STK3: variants seen among roughly 807,000 people sequenced by gnomAD.
STK3 encodes serine/threonine-protein kinase 3.
In STK3, 41 loss-of-function variants were observed where a neutral mutation model predicts 58.0. The observed-to-expected ratio is 0.71, with a 90% CI of 0.55 to 0.92. The LOEUF is 0.92. Ranked by LOEUF, STK3 falls within the 40% of genes least tolerant of loss-of-function variation. The pLI, the probability that STK3 is intolerant of heterozygous loss-of-function variation, is 0.00. For synonymous variants in STK3, 170 were observed against 191.0 expected, an observed-to-expected ratio of 0.89 and a Z score of 0.91; for missense variants, 479 against 602.7, an observed-to-expected ratio of 0.79 and a Z score of 2.15.
chr8:98,849,603 A>G (rs1836360063), intron 3 of STK3, among the ~76,000 whole-genome samples: 1 of 152,238 alleles, frequency 6.6e-6, no homozygotes, highest in African/African-American at 2.4e-5. Flanking sequence ...CAAACTGAAT[A>G]GAGACAGATG....
intron 1 of STK3, among the ~76,000 whole-genome samples, chr8:98,937,992 A>G (rs1307933914): frequency 1.3e-5 from 2 of 152,212 alleles, no homozygotes; most frequent in Non-Finnish European, 2.9e-5. Context: ...ATATTTTGAG[A>G]ATCCCCATAA....
At chr8:98,631,419 T>C (rs1166853662) in intron 6 of STK3, among the ~76,000 whole-genome samples, 1 of 152,174 alleles carries the variant, frequency 6.6e-6, no homozygotes, top group African/African-American at 2.4e-5. Flanking sequence ...ACCTCCTTAC[T>C]GTTTCTAAAA....
intron 1 of STK3, among the ~76,000 whole-genome samples, chr8:98,890,477 G>A (rs751747914): frequency 3.5e-4 from 53 of 152,126 alleles, no homozygotes; most frequent in Non-Finnish European, 1.5e-4. Flanking sequence ...TTGTCTGTGC[G>A]ACAGCAAGCA....
intron 9 of STK3, among the ~76,000 whole-genome samples, chr8:98,544,287 T>C (rs1248654033): frequency 6.6e-6 from 1 of 152,196 alleles, no homozygotes; most frequent in Non-Finnish European, 1.5e-5. Flanking sequence ...ACGTTCCTCA[T>C]TAAAAGCTTT....
intron 3 of STK3, among the ~76,000 whole-genome samples, chr8:98,856,070 G>A (rs775731635): frequency 1.4e-5 from 2 of 144,482 alleles, no homozygotes; most frequent in Non-Finnish European, 3.0e-5. Context: ...GGGAGGAGAA[G>A]TTTGAACCCA....
chr8:98,941,134 G>C (rs903532346), intron 1 of STK3, among the ~76,000 whole-genome samples: 4 of 152,202 alleles, frequency 2.6e-5, no homozygotes, highest in African/African-American at 9.6e-5. Context: ...GGGGCGCTGC[G>C]GCCCTTCCCG....
chr8:98,536,165 A>C (rs1429646744), intron 9 of STK3, among the ~76,000 whole-genome samples: 1 of 152,190 alleles, frequency 6.6e-6, no homozygotes, highest in African/African-American at 2.4e-5. Context: ...CCAATGTTGT[A>C]GTGTCTCAAA....
chr8:98,673,381 G>T (rs1157763482), intron 6 of STK3, among the ~76,000 whole-genome samples: 1 of 152,092 alleles, frequency 6.6e-6, no homozygotes, highest in Admixed American at 6.6e-5. Context: ...ACAAAATAGG[G>T]TTTGATGTGA....
At chr8:98,924,295 G>C (rs1271558551) in intron 1 of STK3, among the ~76,000 whole-genome samples, 1 of 152,122 alleles carries the variant, frequency 6.6e-6, no homozygotes, top group Non-Finnish European at 1.5e-5. Context: ...AACATTATCT[G>C]CTTCTGTTTC....
intron 6 of STK3, among the ~76,000 whole-genome samples, chr8:98,668,387 T>G (rs1446970186): frequency 6.6e-6 from 1 of 152,212 alleles, no homozygotes; most frequent in Non-Finnish European, 1.5e-5. Flanking sequence ...GTTCAAAGTT[T>G]TATTTTTAGC....
At chr8:98,919,690 T>C (rs1839482265) in intron 1 of STK3, among the ~76,000 whole-genome samples, 1 of 152,146 alleles carries the variant, frequency 6.6e-6, no homozygotes, top group Non-Finnish European at 1.5e-5. Context: ...AGTGGAGGAA[T>C]AGATAATATA....
chr8:98,790,789 C>T (rs1832755753), intron 1 of STK3, among the ~76,000 whole-genome samples: 1 of 152,020 alleles, frequency 6.6e-6, no homozygotes, highest in Admixed American at 6.6e-5. Flanking sequence ...TCGAGATCAG[C>T]CTGGCCAACA....
chr8:98,806,445 A>C (rs1833890214), intron 1 of STK3, among the ~76,000 whole-genome samples: 3 of 152,208 alleles, frequency 2.0e-5, no homozygotes, highest in Admixed American at 2.0e-4. Context: ...ACCAGGGCTG[A>C]AATGGCCAAT....
chr8:98,655,410 A>G (rs1821402524), intron 6 of STK3, among the ~76,000 whole-genome samples: 1 of 152,356 alleles, frequency 6.6e-6, no homozygotes, highest in East Asian at 1.9e-4. Context: ...ATTACCATTC[A>G]GGACATAGGC....
At position 98,903,557 on chromosome 8, in the gene STK3, C is replaced by CTTCTTCTTCT. The variant is rs1564093746; in HGVS notation, c.-78-19724_-78-19723insAGAAGAAGAA. Among the ~76,000 whole-genome samples the CTTCTTCTTCT allele has an allele frequency of 1.8e-3, 18 of 9,928 alleles. 1 individual carries two copies. Among genetic ancestry groups the CTTCTTCTTCT allele is most frequent in the African/African-American group, 3.9e-3 (11 of 2,838 alleles). The allele number at this position is 9,928 out of a possible 152,430, so 6.5% of individuals were successfully genotyped here. A position where few individuals can be genotyped will look rare whatever the true frequency, so the allele number is the denominator to read the frequency against. On this transcript the variant is annotated intron_variant, in intron 1 of 1. Coordinates refer to the STK3 transcript ENST00000519420. The stretch of plus-strand genomic sequence containing the variant: ...CTTCTTCTTCTTCTTCTTCTTCTTC[C>CTTCTTCTTCT]TTTTTTTTTTTTTAAGTGGGGCCTT...
At chr8:98,399,373 G>C (rs1318375515), downstream of STK3, among the ~76,000 whole-genome samples, 1 of 152,222 alleles carries the variant, frequency 6.6e-6, no homozygotes, top group African/African-American at 2.4e-5. Flanking sequence ...GGTCTTGAGG[G>C]GGCTGCCTGC....
At chr8:98,882,634 C>T (rs1202949964), downstream of STK3, 1 of 152,218 alleles carries the variant, frequency 6.6e-6, no homozygotes, top group Non-Finnish European at 1.5e-5. Flanking sequence ...CCAGGCTGGT[C>T]TCGAACTCCT....
chr8:98,883,582 A>G, downstream of STK3: 3 of 677,908 alleles, frequency 4.4e-6, no homozygotes, highest in East Asian at 8.1e-5. Context: ...ATAAACATCT[A>G]AAGGAACGCA....
At chr8:98,895,436 G>A (rs934495922) in intron 1 of STK3, among the ~76,000 whole-genome samples, 5 of 152,144 alleles carry the variant, frequency 3.3e-5, no homozygotes. Context: ...GTATGGAGAG[G>A]AAGTGGTTCT....
Sources: allele counts gnomAD v4.1 joint callset (sites outside exome capture counted in the v4.1 genomes callset), GRCh38; gene constraint gnomAD v4.1.1; transcripts MANE v1.5; gene names NCBI Gene and HGNC (gene_info 2026-07-23, HGNC 2026-07-21).